Variants in KIAA0825 observed in about 807,000 individuals in gnomAD.
KIAA0825 encodes uncharacterized protein KIAA0825.
A neutral mutation model predicts 147.6 loss-of-function variants in KIAA0825; 119 were observed. That is an observed-to-expected ratio of 0.81 (90% confidence interval 0.69 to 0.94). The LOEUF (loss-of-function observed/expected upper bound fraction) is 0.94. Among genes scored for constraint, KIAA0825 ranks in the 40% least tolerant of loss-of-function variants. The pLI, the probability that KIAA0825 is intolerant of heterozygous loss-of-function variation, is 0.00. For synonymous variants in KIAA0825, 470 were observed against 518.1 expected, an observed-to-expected ratio of 0.91 and a Z score of 1.26; for missense variants, 1,381 against 1,472.7, an observed-to-expected ratio of 0.94 and a Z score of 1.02.
rs529424591 is a variant in KIAA0825, at chr5:94,205,582, T to C, written c.3711-51458A>G. Among the ~76,000 whole-genome samples the C allele has an allele frequency of 1.1e-4, 17 of 152,178 alleles. No individual in the cohort carries two copies. The East Asian group carries it at 1.4e-3, about 12-fold the overall frequency. On this transcript the variant is annotated intron_variant, in intron 20 of 20. Coordinates refer to ENST00000682413, the MANE Select transcript of KIAA0825 (RefSeq NM_001145678.3). ...CTGGGATTACAGGCGTGAGCCACCA[T>C]GCCCGGCCCAATCTTAGATAATTTT...
At chr5:94,247,190 AT>A (rs2150113873) in intron 20 of KIAA0825, among the ~76,000 whole-genome samples, 1 of 152,172 alleles carries the variant, frequency 6.6e-6, no homozygotes, top group African/African-American at 2.4e-5. Context: ...AACTTTGTGT[AT>A]TTTGTCTCTA....
intron 18 of KIAA0825, among the ~76,000 whole-genome samples, chr5:94,388,096 TG>T (rs1749414059): frequency 1.3e-5 from 2 of 152,132 alleles, no homozygotes; most frequent in African/African-American, 4.8e-5. Flanking sequence ...AGGGGGAGTA[TG>T]GTTTTAGGAT....
At position 94,183,087 on chromosome 5, in the gene KIAA0825, T is replaced by G. The variant is rs568058703; in HGVS notation, c.3711-28963A>C. 2.0e-5 allele frequency among the ~76,000 whole-genome samples: 3 copies of G among 152,296 alleles called. No individual in the cohort carries two copies. In the East Asian group the frequency reaches 5.8e-4, roughly 29 times the overall value. ...CAAGGTCAAACTACCAAAAAAATTC[T>G]GTACAGCCAGAAATGAATCCTTTGG... On this transcript the variant is annotated intron_variant, in intron 20 of 20. Coordinates refer to ENST00000682413, the MANE Select transcript of KIAA0825 (RefSeq NM_001145678.3).
At chr5:94,292,842 T>C (rs1468646428) in intron 20 of KIAA0825, among the ~76,000 whole-genome samples, 1 of 152,064 alleles carries the variant, frequency 6.6e-6, no homozygotes, top group Admixed American at 6.6e-5. Context: ...AGTCTTGGGA[T>C]GGTGTATGTG....
intron 1 of KIAA0825, among the ~76,000 whole-genome samples, chr5:94,615,296 T>C (rs970443699): frequency 6.6e-6 from 1 of 152,126 alleles, no homozygotes; most frequent in African/African-American, 2.4e-5. Flanking sequence ...TTACAGATAA[T>C]ATAATCCATC....
chr5:94,342,381 C>A (rs1260085016), intron 20 of KIAA0825, among the ~76,000 whole-genome samples: 2 of 152,014 alleles, frequency 1.3e-5, no homozygotes, highest in African/African-American at 4.8e-5. Context: ...ATACACCAAA[C>A]CACATTTTTA....
chr5:94,463,839 C>G (rs535717166), intron 11 of KIAA0825, among the ~76,000 whole-genome samples: 5 of 151,870 alleles, frequency 3.3e-5, no homozygotes, highest in Non-Finnish European at 7.4e-5. Flanking sequence ...ATTTCATAAT[C>G]AAAAGTGATT....
chr5:94,248,816 G>A (rs1775778093), intron 20 of KIAA0825, among the ~76,000 whole-genome samples: 1 of 151,844 alleles, frequency 6.6e-6, no homozygotes, highest in African/African-American at 2.4e-5. Flanking sequence ...AATCCTGCAG[G>A]GATTACAAAG....
intron 20 of KIAA0825, among the ~76,000 whole-genome samples, chr5:94,261,568 T>C (rs1315301650): frequency 6.6e-6 from 1 of 152,122 alleles, no homozygotes; most frequent in Non-Finnish European, 1.5e-5. Context: ...CTGATAATGG[T>C]CACCTTTAAA....
At position 94,391,536 on chromosome 5, in the gene KIAA0825, T is replaced by A. The variant is rs1354758709; in HGVS notation, c.3455A>T (p.Glu1152Val). Residue 1152 changes from glutamate (E) to valine (V), a missense_variant and splice_region_variant, in exon 18 of 21, where the codon GAG becomes GTG. Glu to Val is a moderately radical substitution (Grantham distance 121, BLOSUM62 -2). Transcript: ENST00000682413. ...RQIYHIMQLN[E>V]EYLKEQLFSM... is the part of the protein sequence containing the mutation. ...TCGATAAAAAGGCCGTTTCCCTACC[T>A]CATTGAGCTGCATGATGTGATAAAT... The A allele has an allele frequency of 6.5e-7, 1 of 1,549,650 alleles. No individual in the cohort carries two copies. The highest frequency in any genetic ancestry group is 2.0e-5 in the Admixed American group (1 of 50,982).
chr5:94,268,211 A>G (rs1776817998), intron 20 of KIAA0825, among the ~76,000 whole-genome samples: 1 of 152,080 alleles, frequency 6.6e-6, no homozygotes, highest in Non-Finnish European at 1.5e-5. Flanking sequence ...CTTCCCTTTA[A>G]TTGGCTTTAG....
At chr5:94,224,045 ATTTCTTTTTCTTTTCTTTTCTC>A (rs1350381270) in intron 20 of KIAA0825, among the ~76,000 whole-genome samples, 1 of 94,320 alleles carries the variant, frequency 1.1e-5, no homozygotes, top group East Asian at 3.0e-4. Context: ...AATCAACTCC[ATTTCTTTTTCTTTTCTTTTCTC>A]TTTCTTTTTC....
At chr5:94,277,425 A>C (rs1479339784) in intron 20 of KIAA0825, among the ~76,000 whole-genome samples, 1 of 152,198 alleles carries the variant, frequency 6.6e-6, no homozygotes, top group East Asian at 1.9e-4. Context: ...AAAAACAAAC[A>C]ACCCTATCAA....
intron 20 of KIAA0825, among the ~76,000 whole-genome samples, chr5:94,343,743 T>A (rs1021842207): frequency 3.3e-5 from 5 of 152,010 alleles, no homozygotes; most frequent in Non-Finnish European, 5.9e-5. Flanking sequence ...ATAGAAGACA[T>A]TTGCAACAAA....
chr5:94,590,741 C>T lies in KIAA0825; in HGVS notation c.-152-8158G>A, dbSNP rs1186534251. ...AAACAATTAGACTTACTATTCCACACATTGTCAATGTTGGTAACATTGGTT... is the reference window on the plus strand; with the variant it reads ...AAACAATTAGACTTACTATTCCACATATTGTCAATGTTGGTAACATTGGTT... On this transcript the variant is annotated intron_variant, in intron 1 of 20. Transcript: ENST00000682413. 2.6e-5 allele frequency among the ~76,000 whole-genome samples: 4 copies of T among 152,296 alleles called. No individual in the cohort carries two copies. In the East Asian group the frequency reaches 5.8e-4, roughly 22 times the overall value.
At chr5:94,311,314 AG>A (rs1363352767) in intron 20 of KIAA0825, among the ~76,000 whole-genome samples, 4 of 151,208 alleles carry the variant, frequency 2.6e-5, no homozygotes, top group Non-Finnish European at 5.9e-5. Context: ...ATAAAAGAGC[AG>A]GGGGACGAAT....
chr5:94,433,173 G>A (rs542895109), intron 14 of KIAA0825, among the ~76,000 whole-genome samples: 3 of 152,032 alleles, frequency 2.0e-5, no homozygotes, highest in South Asian at 2.1e-4. Context: ...GACTACAGGC[G>A]CCTGCCACCA....
chr5:94,216,283 C>G (rs947585704), intron 20 of KIAA0825, among the ~76,000 whole-genome samples: 11 of 152,138 alleles, frequency 7.2e-5, no homozygotes, highest in Admixed American at 5.9e-4. Flanking sequence ...AGGAAGATCA[C>G]TGTGGAAGTA....
chr5:94,559,976 T>A (rs1777266972), intron 2 of KIAA0825, among the ~76,000 whole-genome samples: 1 of 152,224 alleles, frequency 6.6e-6, no homozygotes, highest in Admixed American at 6.5e-5. Flanking sequence ...CCTTCTCTTG[T>A]CTGGATCTAG....
Sources: gnomAD v4.1 joint callset for allele counts (sites outside exome capture counted in the v4.1 genomes callset) on GRCh38, gnomAD v4.1.1 for gene constraint, MANE v1.5 for transcripts, NCBI Gene and HGNC (gene_info 2026-07-23, HGNC 2026-07-21) for gene names.